The following CUL5 variants were observed in gnomAD, a reference collection of about 807,000 sequenced individuals.
CUL5 encodes cullin-5.
Under a neutral mutation model 108.8 loss-of-function variants are expected in CUL5, and 26 were observed. That is an observed-to-expected ratio of 0.24 (90% CI 0.18 to 0.33). The LOEUF (loss-of-function observed/expected upper bound fraction) is 0.33, where lower values mean the gene tolerates loss of function less well. Among genes scored for constraint, CUL5 ranks in the 10% least tolerant of loss-of-function variants. The pLI is 1.00. For missense variants in CUL5, 524 were observed against 909.2 expected, an observed-to-expected ratio of 0.58 and a Z score of 5.45; for synonymous variants, 334 against 298.0, an observed-to-expected ratio of 1.12 and a Z score of -1.25.
chr11:108,044,392 G>C (rs1863013458), intron 2 of CUL5, among the ~76,000 whole-genome samples: 1 of 151,964 alleles, frequency 6.6e-6, no homozygotes, highest in African/African-American at 2.4e-5. Context: ...GCACATACCT[G>C]TGGTCCCAGC....
At chr11:108,059,067 C>G (rs943741449) in intron 7 of CUL5, among the ~76,000 whole-genome samples, 1 of 152,124 alleles carries the variant, frequency 6.6e-6, no homozygotes, top group South Asian at 2.1e-4. Context: ...AGTGGCTGTT[C>G]ACAGGTTTGA....
At chr11:108,020,283 A>T (rs1014371762) in intron 1 of CUL5, among the ~76,000 whole-genome samples, 30 of 152,190 alleles carry the variant, frequency 2.0e-4, no homozygotes, top group African/African-American at 7.0e-4. Context: ...ATTCCAGAAG[A>T]AGGCGTTGTT....
chr11:108,067,992 G>T (rs560854405), intron 7 of CUL5, among the ~76,000 whole-genome samples: 1 of 151,740 alleles, frequency 6.6e-6, no homozygotes, highest in South Asian at 2.1e-4. Context: ...GCAATGGCAC[G>T]ATCTCGGCTC....
At chr11:108,028,697 G>T (rs576094924) in intron 1 of CUL5, among the ~76,000 whole-genome samples, 1 of 152,034 alleles carries the variant, frequency 6.6e-6, no homozygotes, top group Non-Finnish European at 1.5e-5. Flanking sequence ...TTAGCTGAGC[G>T]TGGTGGTGCA....
intron 7 of CUL5, among the ~76,000 whole-genome samples, chr11:108,063,103 C>G (rs1442243139): frequency 6.6e-6 from 1 of 152,170 alleles, no homozygotes; most frequent in Non-Finnish European, 1.5e-5. Flanking sequence ...GCTCAGCCTC[C>G]CAAAGTGCTG....
At chr11:108,059,973 A>G (rs1413532544) in intron 7 of CUL5, among the ~76,000 whole-genome samples, 1 of 152,158 alleles carries the variant, frequency 6.6e-6, no homozygotes, top group Non-Finnish European at 1.5e-5. Flanking sequence ...TGTGCCTGGC[A>G]TGATAGCTTT....
chr11:108,070,389 T>C (rs1489632781), intron 8 of CUL5, among the ~76,000 whole-genome samples, 200 bp downstream of exon 8: 1 of 152,122 alleles, frequency 6.6e-6, no homozygotes, highest in Non-Finnish European at 1.5e-5. Context: ...ATTTTAAGCA[T>C]TTTCCCTCTT....
intron 11 of CUL5, among the ~76,000 whole-genome samples, chr11:108,081,653 G>A (rs1363734558): frequency 6.6e-6 from 1 of 152,182 alleles, no homozygotes; most frequent in East Asian, 1.9e-4. Context: ...TCGGGAGGCT[G>A]AGGCAGGAGA....
At chr11:108,024,024 A>G (rs903838243) in intron 1 of CUL5, among the ~76,000 whole-genome samples, 22 of 152,198 alleles carry the variant, frequency 1.4e-4, no homozygotes, top group Admixed American at 1.4e-3. Flanking sequence ...TTTTATAATC[A>G]TAGATCTTTG....
intron 4 of CUL5, 90 bp downstream of exon 4, chr11:108,050,156 GT>G: frequency 9.5e-7 from 1 of 1,049,502 alleles, no homozygotes; most frequent in South Asian, 1.7e-5. Context: ...TTTTAAGTGG[GT>G]TTTTCTACTT....
chr11:108,031,343 C>A (rs1374742491), intron 1 of CUL5, among the ~76,000 whole-genome samples: 1 of 138,470 alleles, frequency 7.2e-6, no homozygotes, highest in African/African-American at 2.7e-5. Context: ...CCAGCCTGGG[C>A]AACAGAACGA....
At chr11:108,093,996 A>C (rs933345406) in intron 13 of CUL5, among the ~76,000 whole-genome samples, 1 of 152,256 alleles carries the variant, frequency 6.6e-6, no homozygotes, top group Admixed American at 6.5e-5. Context: ...GCCAACTAAT[A>C]GATTTTGAAA....
At chr11:108,010,462 G>A (rs1454935434) in intron 1 of CUL5, among the ~76,000 whole-genome samples, 3 of 152,184 alleles carry the variant, frequency 2.0e-5, no homozygotes, top group African/African-American at 7.2e-5. Context: ...TTTACTAAGA[G>A]GCAGTACTGT....
intron 7 of CUL5, among the ~76,000 whole-genome samples, chr11:108,064,556 C>T (rs1163005946): frequency 2.0e-5 from 3 of 152,032 alleles, no homozygotes; most frequent in South Asian, 4.2e-4. Flanking sequence ...AAAAAAAATA[C>T]AAAAATTAGC....
intron 10 of CUL5, among the ~76,000 whole-genome samples, chr11:108,077,773 C>T (rs1260501122): frequency 3.3e-5 from 5 of 152,042 alleles, no homozygotes; most frequent in African/African-American, 1.2e-4. Flanking sequence ...GGTGAAACTC[C>T]GTCTCTACTA....
intron 7 of CUL5, among the ~76,000 whole-genome samples, chr11:108,059,755 G>A (rs754125306): frequency 2.6e-5 from 4 of 151,842 alleles, no homozygotes; most frequent in East Asian, 3.9e-4. Context: ...GTGGTGGCAC[G>A]CACCTGTAAT....
intron 1 of CUL5, among the ~76,000 whole-genome samples, chr11:108,018,791 C>CTA (rs1862263855): frequency 6.6e-6 from 1 of 152,112 alleles, no homozygotes; most frequent in African/African-American, 2.4e-5. Context: ...TATGAATCCC[C>CTA]TATAGATGCA....
chr11:108,072,408 T>C lies in CUL5; in HGVS notation c.951T>C (p.His317=). 2 of 1,613,070 alleles carry C rather than the reference T, an allele frequency of 1.2e-6. No homozygotes were observed. The highest frequency in any genetic ancestry group is 1.7e-6 in the Non-Finnish European group (2 of 1,179,294). ...IEPMLKDLEE[H]IISAGLADMV... ...CAATGTTGAAAGACTTGGAGGAACA[T>C]ATCATTAGTGCTGGCCTGGCAGATA... The change falls in exon 9 of 19, where the codon CAT becomes CAC. Residue 317 remains histidine (H), a synonymous_variant. Coordinates refer to ENST00000393094, the MANE Select transcript of CUL5 (RefSeq NM_003478.6).
intron 5 of CUL5, 148 bp from the exon 6 acceptor site, chr11:108,054,499 G>A: frequency 1.8e-6 from 1 of 541,324 alleles, no homozygotes; most frequent in East Asian, 3.1e-5. Context: ...AGTTTCTTAT[G>A]GAGAAGGATT....
Sources: gnomAD v4.1 joint callset for allele counts (sites outside exome capture counted in the v4.1 genomes callset) on GRCh38, gnomAD v4.1.1 for gene constraint, MANE v1.5 for transcripts, NCBI Gene and HGNC (gene_info 2026-07-23, HGNC 2026-07-21) for gene names.